The following KCNMA1 variants were observed in gnomAD, a reference collection of about 807,000 sequenced individuals.
KCNMA1 encodes the protein potassium calcium-activated channel subfamily M alpha 1.
Under a neutral mutation model 140.0 loss-of-function variants are expected in KCNMA1, and 29 were observed. The observed-to-expected ratio is 0.21, with a 90% CI of 0.15 to 0.28. KCNMA1 has a LOEUF of 0.28. Ranked by LOEUF, KCNMA1 falls within the 10% of genes least tolerant of loss-of-function variation. The pLI, the probability that KCNMA1 is intolerant of heterozygous loss-of-function variation, is 1.00. For synonymous variants in KCNMA1, 612 were observed against 611.9 expected (o/e 1.00, Z 0.00); for missense variants, 880 against 1,602.2 (o/e 0.55, Z 7.70).
chr10:76,988,117 T>A (rs956458007), intron 19 of KCNMA1, among the ~76,000 whole-genome samples: 2 of 151,840 alleles, frequency 1.3e-5, no homozygotes, highest in African/African-American at 4.8e-5. Flanking sequence ...AAAGAGAGAG[T>A]GTTACAGGGT....
chr10:77,584,695 G>GA (rs2076775744), intron 1 of KCNMA1, among the ~76,000 whole-genome samples: 1 of 152,178 alleles, frequency 6.6e-6, no homozygotes, highest in African/African-American at 2.4e-5. Context: ...CATGCTCCCT[G>GA]AAATCCAGCC....
intron 1 of KCNMA1, among the ~76,000 whole-genome samples, chr10:77,430,275 T>C (rs1370245551): frequency 6.6e-6 from 1 of 152,226 alleles, no homozygotes; most frequent in Non-Finnish European, 1.5e-5. Context: ...AATGCAGATC[T>C]GACTTCTTCT....
chr10:77,240,616 T>C (rs1183729290), intron 3 of KCNMA1, among the ~76,000 whole-genome samples: 31 of 152,206 alleles, frequency 2.0e-4, no homozygotes, highest in Admixed American at 2.0e-3. Context: ...GAGTTTTGGA[T>C]TTGAGGCCAA....
intron 3 of KCNMA1, among the ~76,000 whole-genome samples, chr10:77,219,051 T>A (rs1487657728): frequency 1.3e-5 from 2 of 152,184 alleles, no homozygotes. Context: ...TCCTCTGTTC[T>A]TGAAGTGCCC....
At chr10:76,887,941 G>C (rs1221924803) in intron 27 of KCNMA1, 1 of 218,604 alleles carries the variant, frequency 4.6e-6, no homozygotes, top group Non-Finnish European at 9.3e-6. Context: ...TGTCTCCTTA[G>C]ACTATTCTCG....
chr10:77,176,585 G>T (rs745336985), intron 5 of KCNMA1, among the ~76,000 whole-genome samples: 16 of 152,134 alleles, frequency 1.1e-4, no homozygotes, highest in Admixed American at 3.3e-4. Context: ...CCAAAGGGCC[G>T]TGAATGACCC....
chr10:77,154,094 TAGTG>T (rs778374561), intron 5 of KCNMA1, among the ~76,000 whole-genome samples: 4 of 152,266 alleles, frequency 2.6e-5, no homozygotes, highest in Non-Finnish European at 4.4e-5. Context: ...TTTCTCGTGA[TAGTG>T]AGTAAGTCTC....
chr10:76,873,681 T>C (rs987074058), downstream of KCNMA1: 3 of 152,196 alleles, frequency 2.0e-5, no homozygotes, highest in Non-Finnish European at 2.9e-5. Context: ...CTTAGTCTCC[T>C]AGGAGTCAAG....
intron 20 of KCNMA1, among the ~76,000 whole-genome samples, chr10:76,963,586 C>A (rs2072586683): frequency 6.6e-6 from 1 of 152,094 alleles, no homozygotes; most frequent in African/African-American, 2.4e-5. Context: ...TTGAAGGAGG[C>A]GCCTCACATT....
chr10:77,012,066 C>A, intron 17 of KCNMA1, 23 bp from the exon 18 acceptor site: 1 of 1,613,304 alleles, frequency 6.2e-7, no homozygotes, highest in South Asian at 1.1e-5. Flanking sequence ...AATGGAAAAA[C>A]TGACACGTTT....
At chr10:77,337,543 C>T (rs1334886088) in intron 2 of KCNMA1, among the ~76,000 whole-genome samples, 2 of 152,176 alleles carry the variant, frequency 1.3e-5, no homozygotes, top group African/African-American at 4.8e-5. Flanking sequence ...TCGCTTGAGC[C>T]CGAGAGGCGG....
At chr10:77,627,871 G>T (rs985888562) in intron 1 of KCNMA1, among the ~76,000 whole-genome samples, 3 of 152,240 alleles carry the variant, frequency 2.0e-5, no homozygotes, top group Non-Finnish European at 4.4e-5. Flanking sequence ...ATCGCACAGG[G>T]CCTGAGGCCC....
chr10:76,881,557 G>A (rs2034665528), downstream of KCNMA1, among the ~76,000 whole-genome samples: 2 of 152,176 alleles, frequency 1.3e-5, no homozygotes, highest in Admixed American at 6.5e-5. Flanking sequence ...TGTGAGGATT[G>A]AGTTTGTATA....
chr10:76,937,957 A>G (rs1048573202), intron 23 of KCNMA1, among the ~76,000 whole-genome samples: 1 of 151,918 alleles, frequency 6.6e-6, no homozygotes, highest in Non-Finnish European at 1.5e-5. Context: ...GTGTGTCTAT[A>G]AAGCATAAAA....
At chr10:77,149,845 C>T (rs1051618378) in intron 5 of KCNMA1, 1 of 152,130 alleles carries the variant, frequency 6.6e-6, no homozygotes. Flanking sequence ...TCATAGAACC[C>T]ATGCAAGAGG....
chr10:76,954,838 G>C (rs1229159560), intron 20 of KCNMA1, among the ~76,000 whole-genome samples: 1 of 152,182 alleles, frequency 6.6e-6, no homozygotes. Context: ...TAGTGGGTTG[G>C]CAGAGCCTCA....
chr10:77,434,378 G>C (rs1372903641), intron 1 of KCNMA1, among the ~76,000 whole-genome samples: 3 of 152,176 alleles, frequency 2.0e-5, no homozygotes, highest in Non-Finnish European at 4.4e-5. Flanking sequence ...TGGAGCTGCT[G>C]GCGGTCAGAA....
At chr10:77,201,393 G>T (rs1401628080) in intron 3 of KCNMA1, among the ~76,000 whole-genome samples, 1 of 152,198 alleles carries the variant, frequency 6.6e-6, no homozygotes, top group Non-Finnish European at 1.5e-5. Flanking sequence ...CAGGGAAAAA[G>T]AACCCTCTAT....
At chr10:77,492,552 G>C (rs1047016567) in intron 1 of KCNMA1, among the ~76,000 whole-genome samples, 1 of 152,100 alleles carries the variant, frequency 6.6e-6, no homozygotes, top group Non-Finnish European at 1.5e-5. Context: ...CTAGATTTTC[G>C]AGATGATGAA....
Sources: gnomAD v4.1 joint callset for allele counts (sites outside exome capture counted in the v4.1 genomes callset) on GRCh38, gnomAD v4.1.1 for gene constraint, MANE v1.5 for transcripts, NCBI Gene and HGNC (gene_info 2026-07-23, HGNC 2026-07-21) for gene names.